Variants in FCER1A observed in about 807,000 individuals in gnomAD.
FCER1A encodes the protein high affinity immunoglobulin epsilon receptor subunit alpha.
A neutral mutation model predicts 23.6 loss-of-function variants in FCER1A; 24 were observed. That is an observed-to-expected ratio of 1.02 (90% CI 0.74 to 1.43). The LOEUF is 1.43. FCER1A is among the 40% of genes most tolerant of loss of function. The pLI is 0.00. For synonymous variants in FCER1A, 121 were observed against 108.8 expected, an observed-to-expected ratio of 1.11 and a Z score of -0.70; for missense variants, 318 against 294.5, an observed-to-expected ratio of 1.08 and a Z score of -0.58.
chr1:159,306,206 G>A lies in FCER1A; in HGVS notation c.550G>A (p.Asp184Asn). ...CTGTACGGGCAAAGTGTGGCAGCTG[G>A]ACTATGAGTCTGAGCCCCTCAACAT... is the stretch of plus-strand genomic sequence containing the variant. Reference protein sequence around the residue: ...YYCTGKVWQLDYESEPLNITV... With the variant: ...YYCTGKVWQLNYESEPLNITV... The change falls in exon 4 of 5, where the codon GAC (aspartate) becomes AAC (asparagine). Residue 184 changes from aspartate (D) to asparagine (N), a missense_variant. Asp to Asn is a conservative substitution (Grantham distance 23). Coordinates refer to ENST00000693622, the MANE Select transcript of FCER1A (RefSeq NM_001387280.1). 2 of 1,614,124 alleles carry A rather than the reference G, an allele frequency of 1.2e-6. No homozygotes were observed. The highest frequency in any genetic ancestry group is 1.7e-6 in the Non-Finnish European group (2 of 1,180,020).
At chr1:159,297,859 A>T (rs549236305), upstream of FCER1A, among the ~76,000 whole-genome samples, 3 of 152,236 alleles carry the variant, frequency 2.0e-5, no homozygotes, top group African/African-American at 7.2e-5. Flanking sequence ...TGGGCAGCAT[A>T]GTAAAACCCA....
chr1:159,304,780 A>G (rs1183004551), intron 3 of FCER1A, among the ~76,000 whole-genome samples: 1 of 152,144 alleles, frequency 6.6e-6, no homozygotes, highest in Non-Finnish European at 1.5e-5. Flanking sequence ...ATGTGGTCAA[A>G]CAGCATGACA....
At chr1:159,294,481 T>G (rs1652244560) in intron 1 of FCER1A, among the ~76,000 whole-genome samples, 1 of 152,174 alleles carries the variant, frequency 6.6e-6, no homozygotes. Context: ...TTAACCCTAT[T>G]TAAAACAGAT....
upstream of FCER1A, among the ~76,000 whole-genome samples, chr1:159,285,672 T>C (rs12131906): frequency 0.045 from 6,829 of 152,054 alleles, 179 homozygotes; most frequent in Middle Eastern, 0.11. Flanking sequence ...ATAAATAGCA[T>C]AATTTTTAGG....
chr1:159,308,079 G>T lies in FCER1A; in HGVS notation c.*147G>T, dbSNP rs1652672100. On this transcript the variant is annotated 3_prime_UTR_variant, in exon 5 of 5. Transcript: ENST00000693622. ...TGCTTCATTAAACTGAGTGAAACTG[G>T]TTAAGTGGCATGTAATAGTAAGTGC... 1.9e-6 allele frequency: 1 copy of T among 535,602 alleles called. No homozygotes were observed. Among genetic ancestry groups the T allele is most frequent in the Non-Finnish European group, 3.2e-6 (1 of 308,698 alleles). The allele number at this position is 535,602 out of a possible 1,614,324, so 33.2% of individuals were successfully genotyped here. A position where few individuals can be genotyped will look rare whatever the true frequency, so the allele number is the denominator to read the frequency against.
At chr1:159,302,983 G>A in intron 2 of FCER1A, 109 bp downstream of exon 2, 1 of 1,085,988 alleles carries the variant, frequency 9.2e-7, no homozygotes, top group Non-Finnish European at 1.4e-6. Flanking sequence ...GCATGAATCT[G>A]TTCCTTGGCC....
At chr1:159,307,627 C>T (rs1652654137) in intron 4 of FCER1A, 121 bp from the exon 5 acceptor site, 2 of 691,140 alleles carry the variant, frequency 2.9e-6, no homozygotes, top group East Asian at 2.6e-5. Context: ...CTGGATGCCA[C>T]ATCACGCTAA....
In FCER1A at chr1:159,302,343, G is replaced by C; in HGVS notation, c.-22G>C. 6.4e-7 allele frequency: 1 copy of C among 1,568,752 alleles called. No individual in the cohort carries two copies. The highest frequency in any genetic ancestry group is 8.8e-7 in the Non-Finnish European group (1 of 1,138,622). ...GCCTTAGATCTCTCCAGCACAGTAA[G>C]CACCAGGAGTCCATGAAGAAGATGG... On this transcript the variant is annotated 5_prime_UTR_variant, in exon 1 of 5. Coordinates refer to ENST00000693622, the MANE Select transcript of FCER1A (RefSeq NM_001387280.1).
rs769260022 is a variant in FCER1A at position 159,304,195 on chromosome 1, G to C, written c.331+13G>C. 1 of 1,610,816 alleles carries C rather than the reference G, an allele frequency of 6.2e-7. No homozygotes were observed. The highest frequency in any genetic ancestry group is 1.1e-5 in the South Asian group (1 of 90,842). On this transcript the variant is annotated intron_variant, in intron 3 of 4. Transcript: ENST00000693622. ...GAAGTCTTCAGTGGTAAGTTCCAGGGATATGGAAATACAGATCTCTCATGT... is the reference window on the plus strand; with the variant it reads ...GAAGTCTTCAGTGGTAAGTTCCAGGCATATGGAAATACAGATCTCTCATGT...
Position 159,307,816 on chromosome 1 carries a change from A to T in FCER1A, c.658A>T (p.Thr220Ser). 1 of 1,613,330 alleles carries T rather than the reference A, an allele frequency of 6.2e-7. No homozygotes were observed. The highest frequency in any genetic ancestry group is 8.5e-7 in the Non-Finnish European group (1 of 1,179,344). ...LLVVILFAVD[T>S]GLFISTQQQV... ...GGTGGTGATTCTGTTTGCTGTGGAC[A>T]CAGGATTATTTATCTCAACTCAGCA... Residue 220 changes from threonine to serine, a missense_variant, in exon 5 of 5, where the codon ACA (threonine) becomes TCA (serine). Coordinates refer to ENST00000693622, the MANE Select transcript of FCER1A (RefSeq NM_001387280.1).
At chr1:159,299,752 T>C (rs188219768), upstream of FCER1A, among the ~76,000 whole-genome samples, 9 of 152,228 alleles carry the variant, frequency 5.9e-5, no homozygotes, top group Admixed American at 3.3e-4. Flanking sequence ...ATAATGGATA[T>C]GAAACTTGAA....
At chr1:159,285,577 T>C (rs1030734363), upstream of FCER1A, among the ~76,000 whole-genome samples, 17 of 151,634 alleles carry the variant, frequency 1.1e-4, no homozygotes, top group African/African-American at 4.1e-4. Flanking sequence ...CAGTTTAATA[T>C]ATATATAAAT....
Position 159,303,953 on chromosome 1 carries a change from G to A in FCER1A, c.102G>A (p.Leu34=), listed in dbSNP as rs763332773. The part of the protein sequence containing the change: ...LAVPQKPKVS[L]NPPWNRIFKG... The stretch of plus-strand genomic sequence containing the variant: ...TCCCTCAGAAACCTAAGGTCTCCTT[G>A]AACCCTCCATGGAATAGAATATTTA... Residue 34 remains leucine (L), a synonymous_variant, in exon 3 of 5, where the codon TTG becomes TTA. Transcript: ENST00000693622. 6.2e-7 allele frequency: 1 copy of A among 1,611,998 alleles called. No individual in the cohort carries two copies. Among genetic ancestry groups the A allele is most frequent in the Non-Finnish European group, 8.5e-7 (1 of 1,178,270 alleles).
chr1:159,296,146 T>C (rs1297271784), intron 1 of FCER1A, among the ~76,000 whole-genome samples: 1 of 152,134 alleles, frequency 6.6e-6, no homozygotes, highest in Non-Finnish European at 1.5e-5. Flanking sequence ...CCTTTTGTGA[T>C]TAACTTTCTT....
Position 159,306,036 on chromosome 1 carries a change from C to T in FCER1A, c.380C>T (p.Pro127Leu), listed in dbSNP as rs755511141. The T allele has an allele frequency of 3.7e-6, 6 of 1,613,896 alleles. No homozygotes were observed. Among genetic ancestry groups the T allele is most frequent in the Non-Finnish European group, 5.1e-6 (6 of 1,179,840 alleles). The change falls in exon 4 of 5, where the codon CCC (proline) becomes CTC (leucine). Residue 127 changes from proline to leucine, a missense_variant. Coordinates refer to ENST00000693622, the MANE Select transcript of FCER1A (RefSeq NM_001387280.1). Reference protein sequence around the residue: ...ASAEVVMEGQPLFLRCHGWRN... With the variant: ...ASAEVVMEGQLLFLRCHGWRN... ...GCTGAGGTGGTGATGGAGGGCCAGC[C>T]CCTCTTCCTCAGGTGCCATGGTTGG...
the FCER1A span, among the ~76,000 whole-genome samples, chr1:159,284,162 G>A: frequency 2.0e-5 from 3 of 152,148 alleles, no homozygotes; most frequent in Non-Finnish European, 2.9e-5. Flanking sequence ...GTAATCAAAA[G>A]GTTATAGGGG....
At chr1:159,302,533 TG>T (rs921785058) in intron 1 of FCER1A, 114 bp downstream of exon 1, 29 of 826,656 alleles carry the variant, frequency 3.5e-5, no homozygotes, top group African/African-American at 3.0e-4. Context: ...TGCAAACTAT[TG>T]GGCATTTCCC....
At chr1:159,295,764 T>C (rs972119255) in intron 1 of FCER1A, among the ~76,000 whole-genome samples, 1 of 152,178 alleles carries the variant, frequency 6.6e-6, no homozygotes, top group Non-Finnish European at 1.5e-5. Context: ...TTTTTTCTTC[T>C]TCAGAATTTA....
the FCER1A span, among the ~76,000 whole-genome samples, chr1:159,283,824 AAGG>A: frequency 6.6e-6 from 1 of 152,164 alleles, no homozygotes; most frequent in Non-Finnish European, 1.5e-5. Flanking sequence ...TATTTTCCCC[AAGG>A]AGAAGAGAAT....
Sources: gnomAD v4.1 joint callset for allele counts (sites outside exome capture counted in the v4.1 genomes callset) on GRCh38, gnomAD v4.1.1 for gene constraint, MANE v1.5 for transcripts, NCBI Gene and HGNC (gene_info 2026-07-23, HGNC 2026-07-21) for gene names.